The following PLXNB1 variants were observed in gnomAD, a reference collection of about 807,000 sequenced individuals.
The protein encoded by PLXNB1 is plexin B1.
In PLXNB1, 106 loss-of-function variants were observed where a neutral mutation model predicts 209.4. The ratio of observed to expected loss-of-function variants is 0.51; its 90% CI spans 0.43 to 0.59. The LOEUF is 0.59. Ranked by LOEUF, PLXNB1 falls within the 20% of genes least tolerant of loss-of-function variation. The pLI is 0.00. For synonymous variants in PLXNB1, 1,167 were observed against 1,183.2 expected (o/e 0.99, Z 0.28); for missense variants, 2,357 against 2,853.2 (o/e 0.83, Z 3.96).
chr3:48,406,871 G>A lies in PLXNB1; in HGVS notation c.6180C>T (p.Val2060=). 6.2e-7 allele frequency: 1 copy of A among 1,613,090 alleles called. No homozygotes were observed. Among genetic ancestry groups the A allele is most frequent in the South Asian group, 1.1e-5 (1 of 90,886 alleles). The change falls in exon 36 of 38, where the codon GTC becomes GTT. Residue 2060 remains valine (V), a synonymous_variant. Transcript: ENST00000296440. This position sits in a 1 kb window ranked among gnomAD's most constrained non-coding sequence, Gnocchi z 4.4. ...ERYYADIRQT[V]PASDQEMNSV... Reference sequence around the variant, plus strand: ...AGTTCATCTCTTGGTCGCTGGCTGGGACAGTCTGTCTGATGTCTGCATAGT... The same window carrying A: ...AGTTCATCTCTTGGTCGCTGGCTGGAACAGTCTGTCTGATGTCTGCATAGT...
At position 48,419,111 on chromosome 3, in the gene PLXNB1, A is replaced by G; in HGVS notation, c.2833-72T>C. On this transcript the variant is annotated intron_variant, in intron 12 of 37. Transcript: ENST00000296440. The surrounding 1 kb of genome is among the most constrained non-coding windows in gnomAD (Gnocchi z 5.7). ...CAGGGAGTCCTGCAGGTCACCCAAC[A>G]GATCCCCCAGCACAGCTTCTGGGTT... is the stretch of plus-strand genomic sequence containing the variant. The G allele has an allele frequency of 6.3e-7, 1 of 1,593,658 alleles. No individual in the cohort carries two copies.
chr3:48,410,539 G>A lies in PLXNB1; in HGVS notation c.5436C>T (p.Ala1812=), dbSNP rs773435723. The part of the protein sequence containing the change: ...TLDVEWRSGV[A]GHLILSDEDV... The stretch of plus-strand genomic sequence containing the variant: ...CCTCGTCAGAAAGAATGAGGTGCCC[G>A]GCCACCCCAGACCGCCACTCTGCAA... Residue 1812 remains alanine (A), a synonymous_variant, in exon 30 of 38, where the codon GCC becomes GCT. Coordinates refer to ENST00000296440, the MANE Select transcript of PLXNB1 (RefSeq NM_001130082.3). The surrounding 1 kb of genome is among the most constrained non-coding windows in gnomAD (Gnocchi z 6.4). The A allele has an allele frequency of 9.9e-6, 16 of 1,613,496 alleles. No individual in the cohort carries two copies. Among genetic ancestry groups the A allele is most frequent in the African/African-American group, 1.3e-5 (1 of 75,020 alleles).
chr3:48,406,946 C>A lies in PLXNB1; in HGVS notation c.6153-48G>T. Reference sequence around the variant, plus strand: ...CAGCTGCTGGGTAAACAAGCCCACTCCCCTGCTCCCAACCAGAGCCCACCC... The same window carrying A: ...CAGCTGCTGGGTAAACAAGCCCACTACCCTGCTCCCAACCAGAGCCCACCC... On this transcript the variant is annotated intron_variant, in intron 35 of 37. Transcript: ENST00000296440. This position sits in a 1 kb window ranked among gnomAD's most constrained non-coding sequence, Gnocchi z 4.4. The A allele has an allele frequency of 6.2e-7, 1 of 1,608,078 alleles. No homozygotes were observed. Among genetic ancestry groups the A allele is most frequent in the Admixed American group, 1.7e-5 (1 of 59,962 alleles).
In PLXNB1 at chr3:48,410,659, G is replaced by C; in HGVS notation, c.5417-101C>G. ...AGGGACACCAGCCCCTCCATCATGGGGCAGCCTTACTCAACCTCTCCAAAG... is the reference window on the plus strand; with the variant it reads ...AGGGACACCAGCCCCTCCATCATGGCGCAGCCTTACTCAACCTCTCCAAAG... On this transcript the variant is annotated intron_variant, in intron 29 of 37. Coordinates refer to ENST00000296440, the MANE Select transcript of PLXNB1 (RefSeq NM_001130082.3). This position sits in a 1 kb window ranked among gnomAD's most constrained non-coding sequence, Gnocchi z 6.4. The C allele has an allele frequency of 9.2e-7, 1 of 1,087,122 alleles. No individual in the cohort carries two copies. The highest frequency in any genetic ancestry group is 1.4e-6 in the Non-Finnish European group (1 of 728,232). 67.3% of individuals were successfully genotyped at this position (1,087,122 alleles called of 1,614,324 possible). A position where few individuals can be genotyped will look rare whatever the true frequency, so the allele number is the denominator to read the frequency against.
In PLXNB1 at chr3:48,423,530, T is replaced by C. The variant is rs763972146; in HGVS notation, c.1082A>G (p.Asn361Ser). 1.2e-6 allele frequency: 2 copies of C among 1,614,044 alleles called. No homozygotes were observed. The highest frequency in any genetic ancestry group is 2.2e-5 in the South Asian group (2 of 91,080). Residue 361 changes from asparagine (N) to serine (S), a missense_variant, in exon 3 of 38, where the codon AAT (asparagine) becomes AGT (serine). By Grantham distance (46) the Asn-to-Ser change is conservative. Coordinates refer to ENST00000296440, the MANE Select transcript of PLXNB1 (RefSeq NM_001130082.3). ...TEVAYIEYDV[N>S]SDCAQLPVDT... The stretch of plus-strand genomic sequence containing the variant: ...CACTGGCAGCTGTGCACAGTCAGAA[T>C]TGACATCATACTCGATGTAGGCCAC...
rs1350717177 is a variant in PLXNB1 at position 48,417,807 on chromosome 3, G to A, written c.3374+104C>T. On this transcript the variant is annotated intron_variant, in intron 16 of 37. Coordinates refer to ENST00000296440, the MANE Select transcript of PLXNB1 (RefSeq NM_001130082.3). The surrounding 1 kb of genome is among the most constrained non-coding windows in gnomAD (Gnocchi z 4.4). ...ATTGTGGCCAGGATCAAGGAACAGG[G>A]AGAGAGGGGGGCAGATGAGCGGTGG... The A allele has an allele frequency of 8.0e-7, 1 of 1,257,186 alleles. No homozygotes were observed. The highest frequency in any genetic ancestry group is 2.3e-5 in the East Asian group (1 of 42,578). The allele number at this position is 1,257,186 out of a possible 1,614,324, so 77.9% of individuals were successfully genotyped here. A position where few individuals can be genotyped will look rare whatever the true frequency, so the allele number is the denominator to read the frequency against.
chr3:48,413,135 T>A lies in PLXNB1; in HGVS notation c.4570A>T (p.Lys1524Ter). 6.2e-7 allele frequency: 1 copy of A among 1,613,510 alleles called. No individual in the cohort carries two copies. Reference sequence around the variant, plus strand: ...AGATTCTCCAGCTGGATCTGAACCTTCTTATAGTCCCTCAGGGCCTGCTTG... The same window carrying A: ...AGATTCTCCAGCTGGATCTGAACCTACTTATAGTCCCTCAGGGCCTGCTTG... ...KSKQALRDYK[K>*]VQIQLENLES... is the part of the protein sequence containing the mutation. The change falls in exon 24 of 38, where the codon AAG becomes TAG. Residue 1524 changes from lysine to a stop codon, truncating the protein, a stop_gained. Transcript: ENST00000296440. LOFTEE classifies it high-confidence loss of function. This position sits in a 1 kb window ranked among gnomAD's most constrained non-coding sequence, Gnocchi z 5.4.
intron 34 of PLXNB1, among the ~76,000 whole-genome samples, chr3:48,407,782 G>A (rs1013710571): frequency 6.6e-6 from 1 of 152,140 alleles, no homozygotes; most frequent in Admixed American, 6.5e-5. Context: ...TTCTTTGTTC[G>A]GACTACTCCT....
Position 48,415,515 on chromosome 3 carries a change from C to A in PLXNB1, c.3794+68G>T. 1.4e-6 allele frequency: 2 copies of A among 1,471,142 alleles called. No homozygotes were observed. Among genetic ancestry groups the A allele is most frequent in the Non-Finnish European group, 9.2e-7 (1 of 1,086,856 alleles). 91.1% of individuals were successfully genotyped at this position (1,471,142 alleles called of 1,614,324 possible). On this transcript the variant is annotated intron_variant, in intron 19 of 37. Transcript: ENST00000296440. This position sits in a 1 kb window ranked among gnomAD's most constrained non-coding sequence, Gnocchi z 5.0. ...GTGCCTCAACATAAAGCCCTACAAA[C>A]CCCCACATAGTGGAGCTGCAAAGAC...
At position 48,416,021 on chromosome 3, in the gene PLXNB1, T is replaced by A. The variant is rs762500407; in HGVS notation, c.3617+10A>T. The A allele has an allele frequency of 4.4e-6, 7 of 1,601,806 alleles. No homozygotes were observed. The East Asian group carries it at 1.6e-4, about 36-fold the overall frequency. ...GATGGATTTTTGCAGGATGAGGAAG[T>A]GGCCCTCACAAGTGACAAGGCTGGT... On this transcript the variant is annotated intron_variant, in intron 18 of 37. Coordinates refer to ENST00000296440, the MANE Select transcript of PLXNB1 (RefSeq NM_001130082.3). The surrounding 1 kb of genome is among the most constrained non-coding windows in gnomAD (Gnocchi z 4.1).
intron 6 of PLXNB1, 103 bp from the exon 7 acceptor site, chr3:48,421,909 TG>T: frequency 6.7e-7 from 1 of 1,493,986 alleles, no homozygotes; most frequent in Non-Finnish European, 9.0e-7. Context: ...GGCCCTAGAG[TG>T]GGCATGATAG....
Position 48,420,104 on chromosome 3 carries a change from C to A in PLXNB1, c.2182G>T (p.Ala728Ser), listed in dbSNP as rs1382648906. 6.2e-7 allele frequency: 1 copy of A among 1,613,380 alleles called. No homozygotes were observed. Among genetic ancestry groups the A allele is most frequent in the South Asian group, 1.1e-5 (1 of 91,020 alleles). Residue 728 changes from alanine (A) to serine (S), a missense_variant, in exon 11 of 38, where the codon GCT becomes TCT. Physicochemically the swap from Ala to Ser is moderately conservative, Grantham distance 99. Transcript: ENST00000296440. Reference sequence around the variant, plus strand: ...CAGGGGCTGAGCAGGGAAGGACTAGCCCCAGGTGAGATGTCCGAAGCTGTG... The same window carrying A: ...CAGGGGCTGAGCAGGGAAGGACTAGACCCAGGTGAGATGTCCGAAGCTGTG... ...TATASDISPGASPSLLSPWGP... is the reference protein window; with the variant it reads ...TATASDISPGSSPSLLSPWGP...
At position 48,409,313 on chromosome 3, in the gene PLXNB1, T is replaced by A; in HGVS notation, c.6087+16A>T. 1 of 1,613,550 alleles carries A rather than the reference T, an allele frequency of 6.2e-7. No individual in the cohort carries two copies. The highest frequency in any genetic ancestry group is 8.5e-7 in the Non-Finnish European group (1 of 1,179,876). On this transcript the variant is annotated intron_variant, in intron 34 of 37. Transcript: ENST00000296440. This position sits in a 1 kb window ranked among gnomAD's most constrained non-coding sequence, Gnocchi z 5.8. The stretch of plus-strand genomic sequence containing the variant: ...ACCCTCACCCATCCCCCCGTGTCCA[T>A]CCCAGACTCGCTCACCCGGCCCAGC...
At position 48,413,973 on chromosome 3, in the gene PLXNB1, G is replaced by A. The variant is rs2037886222; in HGVS notation, c.4308C>T (p.Tyr1436=). ...GGGGCTGCTCCACGGGGGGCTCGCAGTACAGGTGGTGCCGCGTCAGCGTCT... is the reference window on the plus strand; with the variant it reads ...GGGGCTGCTCCACGGGGGGCTCGCAATACAGGTGGTGCCGCGTCAGCGTCT... ...VVKTLTRHHL[Y]CEPPVEQPLP... Residue 1436 remains tyrosine, a synonymous_variant, in exon 22 of 38, where the codon TAC becomes TAT. Transcript: ENST00000296440. This position sits in a 1 kb window ranked among gnomAD's most constrained non-coding sequence, Gnocchi z 5.4. The A allele has an allele frequency of 1.2e-6, 2 of 1,613,658 alleles. No homozygotes were observed. Among genetic ancestry groups the A allele is most frequent in the Non-Finnish European group, 1.7e-6 (2 of 1,179,974 alleles).
At position 48,406,295 on chromosome 3, in the gene PLXNB1, C is replaced by T. The variant is rs2037312035; in HGVS notation, c.6229-497G>A. 6.6e-6 allele frequency among the ~76,000 whole-genome samples: 1 copy of T among 152,250 alleles called. No homozygotes were observed. Among genetic ancestry groups the T allele is most frequent in the Non-Finnish European group, 1.5e-5 (1 of 68,050 alleles). ...GGACGATGGAATTGGTGTCACCTAG[C>T]TTGTGGAGTTCTTGTGAGGATCAAA... On this transcript the variant is annotated intron_variant, in intron 36 of 37. Coordinates refer to ENST00000296440, the MANE Select transcript of PLXNB1 (RefSeq NM_001130082.3). This position sits in a 1 kb window ranked among gnomAD's most constrained non-coding sequence, Gnocchi z 4.4.
At position 48,409,439 on chromosome 3, in the gene PLXNB1, G is replaced by C. The variant is rs2037517060; in HGVS notation, c.5977C>G (p.Pro1993Ala). Residue 1993 changes from proline (P) to alanine (A), a missense_variant, in exon 34 of 38, where the codon CCG becomes GCG. Physicochemically the swap from Pro to Ala is conservative, Grantham distance 27 (BLOSUM62 -1). Coordinates refer to ENST00000296440, the MANE Select transcript of PLXNB1 (RefSeq NM_001130082.3). This position sits in a 1 kb window ranked among gnomAD's most constrained non-coding sequence, Gnocchi z 5.8. The part of the protein sequence containing the change: ...LRFWINIIKN[P>A]QFVFDVQTSD... ...GTTTGCACGTCGAACACAAACTGCGGGTTTTTTATTATATTGATCCAGAAC... is the reference window on the plus strand; with the variant it reads ...GTTTGCACGTCGAACACAAACTGCGCGTTTTTTATTATATTGATCCAGAAC... 4 of 1,614,074 alleles carry C rather than the reference G, an allele frequency of 2.5e-6. No individual in the cohort carries two copies. Among genetic ancestry groups the C allele is most frequent in the African/African-American group, 1.3e-5 (1 of 74,924 alleles).
In PLXNB1 at chr3:48,409,705, G is replaced by A. The variant is rs1409591828; in HGVS notation, c.5805C>T (p.Asp1935=). The part of the protein sequence containing the change: ...MKGTLQKFVD[D]LFQVILSTSR... Reference sequence around the variant, plus strand: ...TGGTGCTGAGAATCACCTGGAACAGGTCATCCACGAACTTCTGCAGGGTGC... The same window carrying A: ...TGGTGCTGAGAATCACCTGGAACAGATCATCCACGAACTTCTGCAGGGTGC... Residue 1935 remains aspartate, a synonymous_variant, in exon 33 of 38, where the codon GAC becomes GAT. Coordinates refer to ENST00000296440, the MANE Select transcript of PLXNB1 (RefSeq NM_001130082.3). This position sits in a 1 kb window ranked among gnomAD's most constrained non-coding sequence, Gnocchi z 5.8. 12 of 1,613,700 alleles carry A rather than the reference G, an allele frequency of 7.4e-6. No homozygotes were observed. The highest frequency in any genetic ancestry group is 2.2e-5 in the East Asian group (1 of 44,888).
Position 48,420,663 on chromosome 3 carries a change from A to T in PLXNB1, c.2028+2T>A, listed in dbSNP as rs2038450468. The T allele has an allele frequency of 6.2e-7, 1 of 1,612,094 alleles. No individual in the cohort carries two copies. The highest frequency in any genetic ancestry group is 8.5e-7 in the Non-Finnish European group (1 of 1,178,782). On this transcript the variant is annotated splice_donor_variant, in intron 10 of 37. Transcript: ENST00000296440. LOFTEE classifies it high-confidence loss of function. The stretch of plus-strand genomic sequence containing the variant: ...TATGGCCCAGCCCAAAGTCACACTC[A>T]CCTGATGGCTTGCAACCATGGGCCC...
rs1350712676 is a variant in PLXNB1, at chr3:48,418,159, C to A, written c.3222+32G>T. On this transcript the variant is annotated intron_variant, in intron 15 of 37. Transcript: ENST00000296440. The surrounding 1 kb of genome is among the most constrained non-coding windows in gnomAD (Gnocchi z 6.6). ...CCACACCCTCCCTCTAAGGGCAGCA[C>A]TGAGGAAGGGATGGCCAGCCTTTCA... The A allele has an allele frequency of 6.2e-7, 1 of 1,611,436 alleles. No individual in the cohort carries two copies. Among genetic ancestry groups the A allele is most frequent in the Admixed American group, 1.7e-5 (1 of 59,696 alleles).
Sources: gnomAD v4.1 joint callset for allele counts (sites outside exome capture counted in the v4.1 genomes callset) on GRCh38, gnomAD v4.1.1 for gene constraint, Gnocchi (gnomAD v3.1) non-coding constraint, MANE v1.5 for transcripts, NCBI Gene and HGNC (gene_info 2026-07-23, HGNC 2026-07-21) for gene names.